EXOC4: variants seen among roughly 807,000 people sequenced by gnomAD.
EXOC4 encodes the protein exocyst complex component 4.
A neutral mutation model predicts 107.2 loss-of-function variants in EXOC4; 71 were observed. That is an observed-to-expected ratio of 0.66 (90% CI 0.55 to 0.81). The LOEUF is 0.81. Ranked by LOEUF, EXOC4 falls within the 30% of genes least tolerant of loss-of-function variation. The probability of loss-of-function intolerance (pLI) is 0.00; values close to 1 mark genes in which losing one functional copy is unlikely to be tolerated. For synonymous variants in EXOC4, 456 were observed against 441.2 expected (o/e 1.03, Z -0.42); for missense variants, 1,108 against 1,189.6 (o/e 0.93, Z 1.01).
At chr7:133,843,414 A>G (rs1472698292) in intron 11 of EXOC4, among the ~76,000 whole-genome samples, 1 of 151,868 alleles carries the variant, frequency 6.6e-6, no homozygotes, top group East Asian at 1.9e-4. Context: ...CTAGTATTGT[A>G]TTCTTTTTGT....
intron 17 of EXOC4, among the ~76,000 whole-genome samples, chr7:134,008,558 T>C (rs1794696254): frequency 6.6e-6 from 1 of 152,160 alleles, no homozygotes; most frequent in Admixed American, 6.5e-5. Flanking sequence ...TTCCATCTTG[T>C]TCCAATTGAA....
rs1011024415 is a variant in EXOC4 at position 133,697,003 on chromosome 7, C to T, written c.1514+66862C>T. Among the ~76,000 whole-genome samples the T allele has an allele frequency of 2.6e-5, 4 of 152,164 alleles. No individual in the cohort carries two copies. The South Asian group carries it at 6.2e-4, about 24-fold the overall frequency. On this transcript the variant is annotated intron_variant, in intron 10 of 17. Coordinates refer to ENST00000253861, the MANE Select transcript of EXOC4 (RefSeq NM_021807.4). ...TGTTACCTGTTGTAGGAAATTTGTT[C>T]TAAGTCCTGGCTGCATCATGTTACT... is the stretch of plus-strand genomic sequence containing the variant.
intron 9 of EXOC4, among the ~76,000 whole-genome samples, chr7:133,523,555 T>C (rs1157183011): frequency 1.3e-5 from 2 of 152,010 alleles, no homozygotes; most frequent in African/African-American, 4.8e-5. Flanking sequence ...ACTCGTCATC[T>C]AGCATTAGGT....
rs572429392 is a variant in EXOC4 at position 133,814,998 on chromosome 7, A to G, written c.1515-2327A>G. Reference sequence around the variant, plus strand: ...TTGAGAAGAAATTGAAGTACAATACAGCTCTTCCTTTCCATAGCATTGTGG... The same window carrying G: ...TTGAGAAGAAATTGAAGTACAATACGGCTCTTCCTTTCCATAGCATTGTGG... On this transcript the variant is annotated intron_variant, in intron 10 of 17. Transcript: ENST00000253861. 3.7e-3 allele frequency among the ~76,000 whole-genome samples: 567 copies of G among 152,322 alleles called. 3 individuals carry two copies. Among genetic ancestry groups the G allele is most frequent in the African/African-American group, 0.013 (537 of 41,572 alleles).
At chr7:133,348,634 A>G (rs1205113466) in intron 5 of EXOC4, among the ~76,000 whole-genome samples, 1 of 152,078 alleles carries the variant, frequency 6.6e-6, no homozygotes, top group Non-Finnish European at 1.5e-5. Context: ...AATTTTGCGT[A>G]TTTCTACCCG....
intron 17 of EXOC4, among the ~76,000 whole-genome samples, chr7:134,050,942 T>G (rs575341841): frequency 6.6e-6 from 1 of 152,028 alleles, no homozygotes; most frequent in South Asian, 2.1e-4. Context: ...AACAATCCAA[T>G]GAGAAGAGTG....
chr7:134,013,200 G>T (rs912592918), intron 17 of EXOC4, among the ~76,000 whole-genome samples: 2 of 152,144 alleles, frequency 1.3e-5, no homozygotes, highest in Non-Finnish European at 2.9e-5. Flanking sequence ...TTTTCTCAAG[G>T]TCAGTATCAA....
rs774394381 is a variant in EXOC4 at position 133,305,900 on chromosome 7, G to A, written c.495G>A (p.Glu165=). ...DMLVSAVESL[E]GPLLQVEGLS... is the part of the protein sequence containing the mutation. ...AGGTGTCAGCAGTTGAGTCTTTGGAGGGCCCCCTGCTCCAGGTGGAAGGAC... is the reference window on the plus strand; with the variant it reads ...AGGTGTCAGCAGTTGAGTCTTTGGAAGGCCCCCTGCTCCAGGTGGAAGGAC... Residue 165 remains glutamate, a synonymous_variant, in exon 4 of 18, where the codon GAG becomes GAA. Transcript: ENST00000253861. The A allele has an allele frequency of 1.9e-6, 3 of 1,608,034 alleles. No individual in the cohort carries two copies. Among genetic ancestry groups the A allele is most frequent in the Non-Finnish European group, 2.5e-6 (3 of 1,177,402 alleles).
chr7:133,520,050 A>C (rs189104816), intron 9 of EXOC4, among the ~76,000 whole-genome samples: 1 of 152,326 alleles, frequency 6.6e-6, no homozygotes, highest in Non-Finnish European at 1.5e-5. Context: ...TGGATATACA[A>C]ATACTTCTTG....
At chr7:133,554,846 C>A (rs766716202) in intron 9 of EXOC4, among the ~76,000 whole-genome samples, 3 of 152,136 alleles carry the variant, frequency 2.0e-5, no homozygotes, top group Non-Finnish European at 4.4e-5. Context: ...TTTCTTTAAT[C>A]CTATGCCTTG....
chr7:133,853,377 CACACACACACACACACACACA>C (rs1798280761), intron 11 of EXOC4, among the ~76,000 whole-genome samples: 1 of 126,902 alleles, frequency 7.9e-6, no homozygotes, highest in African/African-American at 3.0e-5. Flanking sequence ...CACACACACA[CACACACACACACACACACACA>C]ACTTTTTAGA....
intron 10 of EXOC4, among the ~76,000 whole-genome samples, chr7:133,749,206 G>C (rs1353476998): frequency 6.6e-6 from 1 of 152,122 alleles, no homozygotes; most frequent in Non-Finnish European, 1.5e-5. Context: ...TCTTTTGTTT[G>C]AGAATCACTG....
intron 12 of EXOC4, among the ~76,000 whole-genome samples, chr7:133,911,947 G>A (rs909480050): frequency 6.6e-6 from 1 of 152,132 alleles, no homozygotes; most frequent in Non-Finnish European, 1.5e-5. Context: ...TTCTAGATAT[G>A]AATGGTGAAA....
At chr7:133,871,308 C>T (rs113995757) in intron 11 of EXOC4, among the ~76,000 whole-genome samples, 2 of 151,852 alleles carry the variant, frequency 1.3e-5, no homozygotes, top group African/African-American at 4.8e-5. Flanking sequence ...AAAAAAATCA[C>T]CACAAAAACC....
chr7:133,324,393 A>T (rs1472571917), intron 5 of EXOC4, among the ~76,000 whole-genome samples: 1 of 152,110 alleles, frequency 6.6e-6, no homozygotes, highest in East Asian at 1.9e-4. Flanking sequence ...TGTGTCCCAG[A>T]TATTCTGGTA....
chr7:133,453,684 C>T (rs1347598643), intron 7 of EXOC4, among the ~76,000 whole-genome samples: 2 of 151,876 alleles, frequency 1.3e-5, no homozygotes, highest in Non-Finnish European at 2.9e-5. Context: ...CTTATGCATA[C>T]CTTTTAAGCA....
At chr7:133,374,424 G>A (rs540134749) in intron 6 of EXOC4, among the ~76,000 whole-genome samples, 1 of 152,108 alleles carries the variant, frequency 6.6e-6, no homozygotes, top group Non-Finnish European at 1.5e-5. Context: ...CTAGGGAATA[G>A]CATATTCTGT....
intron 10 of EXOC4, among the ~76,000 whole-genome samples, chr7:133,724,607 ATTAT>A (rs1795177824): frequency 6.6e-6 from 1 of 152,180 alleles, no homozygotes; most frequent in South Asian, 2.1e-4. Flanking sequence ...TATCATATCT[ATTAT>A]TTTATTAATG....
At chr7:133,803,427 A>G (rs922705066) in intron 10 of EXOC4, among the ~76,000 whole-genome samples, 5 of 152,130 alleles carry the variant, frequency 3.3e-5, no homozygotes, top group African/African-American at 1.2e-4. Context: ...GCTGAGTATA[A>G]CATACTGGGC....
Sources: gnomAD v4.1 joint callset for allele counts (sites outside exome capture counted in the v4.1 genomes callset) on GRCh38, gnomAD v4.1.1 for gene constraint, MANE v1.5 for transcripts, NCBI Gene and HGNC (gene_info 2026-07-23, HGNC 2026-07-21) for gene names.